The following SCHIP1 variants were observed in gnomAD, a reference collection of about 807,000 sequenced individuals.
SCHIP1 encodes schwannomin-interacting protein 1.
SCHIP1 carries 8 observed loss-of-function variants against 29.7 expected under a neutral mutation model. The ratio of observed to expected loss-of-function variants is 0.27; its 90% CI spans 0.16 to 0.49. SCHIP1 has a LOEUF of 0.49. Among genes scored for constraint, SCHIP1 ranks in the 20% least tolerant of loss-of-function variants. The probability of loss-of-function intolerance (pLI) is 0.99; values close to 1 mark genes in which losing one functional copy is unlikely to be tolerated. For missense variants in SCHIP1, 193 were observed against 294.6 expected (o/e 0.66, Z 2.52); for synonymous variants, 76 against 94.9 (o/e 0.80, Z 1.16).
chr3:159,539,943 A>T, the SCHIP1 span, among the ~76,000 whole-genome samples: 1 of 152,054 alleles, frequency 6.6e-6, no homozygotes, highest in Non-Finnish European at 1.5e-5. Context: ...GAGACATGAG[A>T]ATTTCTTTAA....
chr3:159,483,736 G>T, the SCHIP1 span, among the ~76,000 whole-genome samples: 1 of 152,022 alleles, frequency 6.6e-6, no homozygotes, highest in Non-Finnish European at 1.5e-5. Flanking sequence ...TAACAGCCTT[G>T]AACTACTATG....
At chr3:159,694,236 C>CCCTAAA in the SCHIP1 span, among the ~76,000 whole-genome samples, 2 of 151,482 alleles carry the variant, frequency 1.3e-5, no homozygotes, top group African/African-American at 4.9e-5. Context: ...CTAACACTAA[C>CCCTAAA]CCTAACCCTA....
chr3:159,883,571 A>AC (rs1224742925), intron 2 of SCHIP1, among the ~76,000 whole-genome samples: 2 of 151,852 alleles, frequency 1.3e-5, no homozygotes, highest in African/African-American at 4.8e-5. Context: ...TCATCTTAAA[A>AC]CCCGCTTAAA....
chr3:159,306,569 TA>T, the SCHIP1 span: 1 of 913,302 alleles, frequency 1.1e-6, no homozygotes, highest in Non-Finnish European at 1.3e-6. Context: ...ACTGAGCGCC[TA>T]AAAATGCTAT....
the SCHIP1 span, among the ~76,000 whole-genome samples, chr3:159,457,807 G>A: frequency 6.6e-6 from 1 of 152,130 alleles, no homozygotes; most frequent in Middle Eastern, 3.4e-3. Context: ...CACAGTAAGA[G>A]ATTAACAATA....
At chr3:159,839,712 A>T, upstream of SCHIP1, 1 of 251,394 alleles carries the variant, frequency 4.0e-6, no homozygotes, top group Non-Finnish European at 7.1e-6. Context: ...GCCGGAGGTT[A>T]GAAATGTTCA....
the SCHIP1 span, among the ~76,000 whole-genome samples, chr3:159,280,194 T>G: frequency 6.6e-6 from 1 of 152,246 alleles, no homozygotes; most frequent in African/African-American, 2.4e-5. Flanking sequence ...TTAGATCTTC[T>G]GATGACCATG....
intron 1 of SCHIP1, chr3:159,853,357 G>A: frequency 2.9e-6 from 2 of 685,658 alleles, no homozygotes; most frequent in Non-Finnish European, 5.3e-6. Context: ...TATTTCTTAA[G>A]TGAAATTCTA....
At chr3:159,274,670 A>G in the SCHIP1 span, 1 of 817,206 alleles carries the variant, frequency 1.2e-6, no homozygotes, top group Non-Finnish European at 1.5e-6. Flanking sequence ...ACTTTGAATT[A>G]CTACCCAGAA....
At chr3:159,820,251 G>C in the SCHIP1 span, among the ~76,000 whole-genome samples, 1 of 152,028 alleles carries the variant, frequency 6.6e-6, no homozygotes, top group African/African-American at 2.4e-5. Flanking sequence ...TGATTTGGGG[G>C]GTAAAGGAGC....
At chr3:159,887,260 T>C (rs1454601751) in intron 3 of SCHIP1, 1 of 155,934 alleles carries the variant, frequency 6.4e-6, no homozygotes, top group Non-Finnish European at 1.4e-5. Flanking sequence ...TTCCTCTCTG[T>C]GAGGTCTGTC....
At chr3:159,678,935 T>A in the SCHIP1 span, among the ~76,000 whole-genome samples, 12 of 152,330 alleles carry the variant, frequency 7.9e-5, no homozygotes, top group South Asian at 2.5e-3. Flanking sequence ...TTGATTCAAT[T>A]ATCTCTACCT....
At chr3:159,300,457 G>C in the SCHIP1 span, among the ~76,000 whole-genome samples, 2 of 152,048 alleles carry the variant, frequency 1.3e-5, no homozygotes, top group South Asian at 4.1e-4. Context: ...AAAAGCACCA[G>C]CCTACATAGT....
the SCHIP1 span, among the ~76,000 whole-genome samples, chr3:159,290,873 T>A: frequency 6.6e-6 from 1 of 152,114 alleles, no homozygotes; most frequent in Non-Finnish European, 1.5e-5. Flanking sequence ...AAATTCAGTA[T>A]AAAGCTAAAA....
the SCHIP1 span, among the ~76,000 whole-genome samples, chr3:159,435,943 G>A: frequency 3.4e-4 from 51 of 152,238 alleles, no homozygotes; most frequent in African/African-American, 1.1e-3. Flanking sequence ...AAGAGATATA[G>A]ACAGCCAGGC....
the SCHIP1 span, among the ~76,000 whole-genome samples, chr3:159,507,678 GGTT>G: frequency 6.6e-6 from 1 of 152,092 alleles, no homozygotes; most frequent in African/African-American, 2.4e-5. Context: ...TAGCATGAAG[GGTT>G]GTTGAATTTT....
the SCHIP1 span, among the ~76,000 whole-genome samples, chr3:159,800,942 A>G: frequency 6.9e-6 from 1 of 145,058 alleles, no homozygotes; most frequent in African/African-American, 2.6e-5. Context: ...AAATTTCTAT[A>G]TTTAAATGTT....
At chr3:159,869,944 TACA>T (rs970925192) in intron 2 of SCHIP1, among the ~76,000 whole-genome samples, 14 of 151,962 alleles carry the variant, frequency 9.2e-5, no homozygotes, top group Non-Finnish European at 1.6e-4. Context: ...TTAGACATAT[TACA>T]CATCTCTTGT....
the SCHIP1 span, among the ~76,000 whole-genome samples, chr3:159,799,543 C>T: frequency 6.6e-6 from 1 of 152,210 alleles, no homozygotes; most frequent in Non-Finnish European, 1.5e-5. Flanking sequence ...GACGGACAAG[C>T]CTGCTGGCCA....
Sources: gnomAD v4.1 joint callset for allele counts (sites outside exome capture counted in the v4.1 genomes callset) on GRCh38, gnomAD v4.1.1 for gene constraint, MANE v1.5 for transcripts, NCBI Gene and HGNC (gene_info 2026-07-23, HGNC 2026-07-21) for gene names.